Variants in GNG7 observed in about 807,000 individuals in gnomAD.
GNG7 encodes guanine nucleotide-binding protein G(I)/G(S)/G(O) subunit gamma-7.
GNG7 carries 1 observed loss-of-function variant against 4.0 expected under a neutral mutation model. That is an observed-to-expected ratio of 0.25 (90% CI 0.09 to 1.18). The LOEUF (loss-of-function observed/expected upper bound fraction) is 1.18, where lower values mean the gene tolerates loss of function less well. Among genes scored for constraint, GNG7 ranks in the 50% most tolerant of loss-of-function variants. The pLI, the probability that GNG7 is intolerant of heterozygous loss-of-function variation, is 0.50. For missense variants in GNG7, 86 were observed against 91.9 expected (o/e 0.94, Z 0.26); for synonymous variants, 34 against 36.9 (o/e 0.92, Z 0.29).
intron 2 of GNG7, among the ~76,000 whole-genome samples, chr19:2,613,942 G>C (rs1489882157): frequency 6.6e-6 from 1 of 152,146 alleles, no homozygotes; most frequent in African/African-American, 2.4e-5. Context: ...GTGCGAATCA[G>C]ACAGAAGCTC....
chr19:2,531,579 GGC>G (rs1191886322), intron 3 of GNG7, among the ~76,000 whole-genome samples: 1 of 151,952 alleles, frequency 6.6e-6, no homozygotes, highest in African/African-American at 2.4e-5. Context: ...AGACCATCCT[GGC>G]TAACATGGTG....
chr19:2,624,928 G>T (rs1006046570), intron 2 of GNG7, among the ~76,000 whole-genome samples: 4 of 152,208 alleles, frequency 2.6e-5, no homozygotes, highest in Non-Finnish European at 5.9e-5. Flanking sequence ...GTCAGCTCAG[G>T]GCACAGAAGC....
At chr19:2,585,424 GGAGT>G (rs1159036679) in intron 2 of GNG7, among the ~76,000 whole-genome samples, 2 of 152,144 alleles carry the variant, frequency 1.3e-5, no homozygotes, top group Admixed American at 6.5e-5. Flanking sequence ...GGTGAACGAT[GGAGT>G]GAGAGAATAA....
chr19:2,575,806 TGCAGACACAC>T (rs1356403882), intron 2 of GNG7, among the ~76,000 whole-genome samples: 2 of 28,950 alleles, frequency 6.9e-5, no homozygotes, highest in South Asian at 9.6e-4. Flanking sequence ...CACACAGACA[TGCAGACACAC>T]GCAGGCACAC....
intron 2 of GNG7, among the ~76,000 whole-genome samples, chr19:2,596,665 T>TCCC (rs150945390): frequency 2.6e-4 from 37 of 144,050 alleles, no homozygotes; most frequent in African/African-American, 9.1e-4. Flanking sequence ...TGAGACCCTG[T>TCCC]CCCCCCCCCA....
chr19:2,632,494 A>ACACACACACACACG (rs1982189325), intron 2 of GNG7: 1 of 151,982 alleles, frequency 6.6e-6, no homozygotes, highest in African/African-American at 2.4e-5. Flanking sequence ...ACACACACAC[A>ACACACACACACACG]CACACACACA....
At chr19:2,625,271 C>T (rs1449231761) in intron 2 of GNG7, among the ~76,000 whole-genome samples, 2 of 152,166 alleles carry the variant, frequency 1.3e-5, no homozygotes, top group African/African-American at 4.8e-5. Context: ...GGGGGTCTCA[C>T]TCTTTTACTG....
At chr19:2,689,809 C>T (rs1599463775) in intron 1 of GNG7, among the ~76,000 whole-genome samples, 1 of 151,920 alleles carries the variant, frequency 6.6e-6, no homozygotes, top group Non-Finnish European at 1.5e-5. Context: ...ATGCATAAAG[C>T]GTGCGAGATG....
intron 2 of GNG7, among the ~76,000 whole-genome samples, chr19:2,607,964 C>T (rs897088139): frequency 8.6e-5 from 13 of 151,334 alleles, no homozygotes; most frequent in African/African-American, 3.2e-4. Flanking sequence ...GACGCACACA[C>T]GCACGCAGAC....
chr19:2,694,618 G>C (rs1913202604), intron 1 of GNG7, among the ~76,000 whole-genome samples: 1 of 151,940 alleles, frequency 6.6e-6, no homozygotes, highest in South Asian at 2.1e-4. Flanking sequence ...GTGTAAATCA[G>C]GGGGACCCCC....
rs191024064 is a variant in GNG7, at chr19:2,628,839, A to C, written c.-78+17385T>G. On this transcript the variant is annotated intron_variant, in intron 2 of 4. Coordinates refer to ENST00000382159, the MANE Select transcript of GNG7 (RefSeq NM_052847.3). ...ATGAGCTCAGGTCAACTGACTAGGA[A>C]TCTTCGTCGCATCTGCAAAATCCCT... is the stretch of plus-strand genomic sequence containing the variant. Among the ~76,000 whole-genome samples the C allele has an allele frequency of 4.6e-5, 7 of 152,260 alleles. No homozygotes were observed. The East Asian group carries it at 1.2e-3, about 25-fold the overall frequency.
chr19:2,617,677 C>G lies in GNG7; in HGVS notation c.-78+28547G>C, dbSNP rs1981757449. ...TCCTGGACACCACGTGGCACAGACT[C>G]TCTCCTCTTGGTGCCACCTCATCCT... On this transcript the variant is annotated intron_variant, in intron 2 of 4. Transcript: ENST00000382159. This position sits in a 1 kb window ranked among gnomAD's most constrained non-coding sequence, Gnocchi z 4.7. Among the ~76,000 whole-genome samples the G allele has an allele frequency of 6.6e-6, 1 of 152,052 alleles. No homozygotes were observed. Among genetic ancestry groups the G allele is most frequent in the Admixed American group, 6.6e-5 (1 of 15,260 alleles).
At chr19:2,543,085 T>A (rs1005012364) in intron 3 of GNG7, among the ~76,000 whole-genome samples, 4 of 151,744 alleles carry the variant, frequency 2.6e-5, no homozygotes, top group African/African-American at 9.7e-5. Flanking sequence ...GCTTATTTTT[T>A]ATTTTTATTT....
intron 3 of GNG7, among the ~76,000 whole-genome samples, chr19:2,544,715 T>G (rs534609232): frequency 1.3e-5 from 2 of 150,620 alleles, no homozygotes; most frequent in Admixed American, 6.6e-5. Flanking sequence ...ATTGGGGGGG[T>G]GGGTGATTCA....
At chr19:2,597,672 G>A (rs1981064030) in intron 2 of GNG7, among the ~76,000 whole-genome samples, 1 of 151,260 alleles carries the variant, frequency 6.6e-6, no homozygotes, top group African/African-American at 2.4e-5. Flanking sequence ...CGAGGTGGGT[G>A]GATCACGAGG....
intron 2 of GNG7, among the ~76,000 whole-genome samples, chr19:2,621,839 A>G (rs1482078493): frequency 6.6e-6 from 1 of 152,124 alleles, no homozygotes; most frequent in Non-Finnish European, 1.5e-5. Context: ...ACGCGGAAGG[A>G]TCCTCTCCTG....
intron 2 of GNG7, among the ~76,000 whole-genome samples, chr19:2,568,552 T>TACACACATATACACACATACACATATAC (rs1980026839): frequency 6.6e-6 from 1 of 151,658 alleles, no homozygotes; most frequent in African/African-American, 2.4e-5. Flanking sequence ...TACACATATA[T>TACACACATATACACACATACACATATAC]ATACACACAT....
chr19:2,642,757 G>A (rs1033170552), intron 2 of GNG7: 3 of 456,098 alleles, frequency 6.6e-6, no homozygotes, highest in African/African-American at 4.0e-5. Flanking sequence ...GCCTCTCAAA[G>A]TGCTGGGATT....
At chr19:2,516,192 G>A (rs1380944782) in intron 4 of GNG7, among the ~76,000 whole-genome samples, 1 of 152,032 alleles carries the variant, frequency 6.6e-6, no homozygotes, top group Non-Finnish European at 1.5e-5. Flanking sequence ...ACTCCAGCCT[G>A]GGGGATGGAG....
Sources: allele counts gnomAD v4.1 joint callset (sites outside exome capture counted in the v4.1 genomes callset), GRCh38; gene constraint gnomAD v4.1.1; non-coding constraint Gnocchi (gnomAD v3.1); transcripts MANE v1.5; gene names NCBI Gene and HGNC (gene_info 2026-07-23, HGNC 2026-07-21).